The following SPAST variants were observed in gnomAD, a reference collection of about 807,000 sequenced individuals.
SPAST encodes spastic paraplegia 4 (autosomal dominant; spastin).
Under a neutral mutation model 76.6 loss-of-function variants are expected in SPAST, and 30 were observed. The observed-to-expected ratio is 0.39, with a 90% CI of 0.29 to 0.53. SPAST has a LOEUF of 0.53. SPAST is among the 20% of genes least tolerant of loss of function. SPAST has a pLI of 0.68. For missense variants in SPAST, 717 were observed against 770.5 expected, an observed-to-expected ratio of 0.93 and a Z score of 0.82; for synonymous variants, 305 against 281.0, an observed-to-expected ratio of 1.09 and a Z score of -0.86.
intron 11 of SPAST, 52 bp from the exon 12 acceptor site, chr2:32,137,057 A>G: frequency 6.4e-7 from 1 of 1,558,060 alleles, no homozygotes; most frequent in African/African-American, 1.4e-5. Context: ...AAATATCTTT[A>G]TATTTGTTAT....
At chr2:32,151,765 C>G (rs559882408) in intron 16 of SPAST, among the ~76,000 whole-genome samples, 1 of 152,116 alleles carries the variant, frequency 6.6e-6, no homozygotes, top group South Asian at 2.1e-4. Flanking sequence ...CAAAAATTAG[C>G]CGGGCGTGGT....
chr2:32,084,009 C>G (rs1041493650), intron 1 of SPAST, among the ~76,000 whole-genome samples: 3 of 150,656 alleles, frequency 2.0e-5, no homozygotes, highest in Non-Finnish European at 4.4e-5. Context: ...CAACTCCTGA[C>G]CTCAGGTGAT....
In SPAST at chr2:32,063,868, T is replaced by G. The variant is rs781222498; in HGVS notation, c.37T>G (p.Ser13Ala). The change falls in exon 1 of 17, where the codon TCC (serine) becomes GCC (alanine). Residue 13 changes from serine to alanine, a missense_variant. By Grantham distance (99) the Ser-to-Ala change is moderately conservative. Around this residue, in one of 3 missense-constraint regions of SPAST, gnomAD observed 543 missense variants for 445.2 expected, o/e 1.22. Transcript: ENST00000315285. Reference sequence around the variant, plus strand: ...GGGTGGACGAGGGAAGAAGAAAGGCTCCGGCGGCGCCAGCAACCCGGTGCC... The same window carrying G: ...GGGTGGACGAGGGAAGAAGAAAGGCGCCGGCGGCGCCAGCAACCCGGTGCC... ...SPGGRGKKKG[S>A]GGASNPVPPR... The G allele has an allele frequency of 1.9e-6, 3 of 1,585,292 alleles. No individual in the cohort carries two copies. The South Asian group carries it at 3.4e-5, about 18-fold the overall frequency.
At chr2:32,069,095 C>T (rs1370715001) in intron 1 of SPAST, among the ~76,000 whole-genome samples, 1 of 151,912 alleles carries the variant, frequency 6.6e-6, no homozygotes, top group Non-Finnish European at 1.5e-5. Flanking sequence ...CGCCTGTAGT[C>T]CCGGGTACTT....
Position 32,123,053 on chromosome 2 carries a change from G to C in SPAST, c.1099-3895G>C, listed in dbSNP as rs143904153. On this transcript the variant is annotated intron_variant, in intron 7 of 16. Transcript: ENST00000315285. ...GAGGTGGGCAGATCACCTGATGTCA[G>C]GGGTTCAAGACCAGCCTGACCAATA... Among the ~76,000 whole-genome samples the C allele has an allele frequency of 5.9e-3, 899 of 152,202 alleles. 11 individuals carry two copies. Among genetic ancestry groups the C allele is most frequent in the African/African-American group, 0.02 (841 of 41,540 alleles).
chr2:32,131,948 C>G (rs1314429850), intron 9 of SPAST, among the ~76,000 whole-genome samples: 1 of 151,958 alleles, frequency 6.6e-6, no homozygotes, highest in Non-Finnish European at 1.5e-5. Flanking sequence ...CGTAAGCCAC[C>G]ACACCCGGCC....
Position 32,116,330 on chromosome 2 carries a change from A to G in SPAST, c.1098+118A>G, listed in dbSNP as rs12617289. Reference sequence around the variant, plus strand: ...AATAATTAATTCATATAAGGTAACAATAGATTTAATGTTTTAAAAAAGATA... The same window carrying G: ...AATAATTAATTCATATAAGGTAACAGTAGATTTAATGTTTTAAAAAAGATA... On this transcript the variant is annotated intron_variant, in intron 7 of 16. Coordinates refer to ENST00000315285, the MANE Select transcript of SPAST (RefSeq NM_014946.4). 0.43 allele frequency: 302,339 copies of G among 700,690 alleles called. 67,105 individuals carry two copies. Among genetic ancestry groups the G allele is most frequent in the East Asian group, 0.61 (22,031 of 36,330 alleles). The allele number at this position is 700,690 out of a possible 1,614,324, so 43.4% of individuals were successfully genotyped here.
intron 7 of SPAST, among the ~76,000 whole-genome samples, chr2:32,119,009 A>G (rs753590455): frequency 2.6e-5 from 4 of 152,206 alleles, no homozygotes; most frequent in Non-Finnish European, 5.9e-5. Flanking sequence ...GCCAGTTGCA[A>G]GTTATTTCAA....
chr2:32,125,287 G>T (rs978046441), intron 7 of SPAST, among the ~76,000 whole-genome samples: 1 of 151,822 alleles, frequency 6.6e-6, no homozygotes, highest in Non-Finnish European at 1.5e-5. Flanking sequence ...ACAATGGCAC[G>T]ATCTCGGCTC....
chr2:32,077,810 A>C (rs1441335880), intron 1 of SPAST: 1 of 152,212 alleles, frequency 6.6e-6, no homozygotes, highest in Non-Finnish European at 1.5e-5. Flanking sequence ...GAATATCAGC[A>C]TTTCTGTTGT....
chr2:32,084,920 CATGGGA>C (rs1427003192), intron 1 of SPAST, among the ~76,000 whole-genome samples: 2 of 146,628 alleles, frequency 1.4e-5, no homozygotes, highest in African/African-American at 5.0e-5. Context: ...AGGGAAGGAG[CATGGGA>C]ATGGGAAGAG....
intron 3 of SPAST, among the ~76,000 whole-genome samples, chr2:32,092,458 A>G (rs1181602794): frequency 6.6e-6 from 1 of 152,120 alleles, no homozygotes; most frequent in African/African-American, 2.4e-5. Context: ...GTTGGTTTTT[A>G]TGTTTTGTTT....
rs1194554942 is a variant in SPAST, at chr2:32,155,079, A to G, written c.*583A>G. The G allele has an allele frequency of 6.5e-6, 1 of 153,532 alleles. No homozygotes were observed. Among genetic ancestry groups the G allele is most frequent in the Non-Finnish European group, 1.5e-5 (1 of 68,704 alleles). 9.5% of individuals were successfully genotyped at this position (153,532 alleles called of 1,614,324 possible). A position where few individuals can be genotyped will look rare whatever the true frequency, so the allele number is the denominator to read the frequency against. ...TATTTTGAGAGTTTCTTCTTCATAA[A>G]TCTACAGACATTAAACAATTGTTGT... On this transcript the variant is annotated 3_prime_UTR_variant, in exon 17 of 17. Coordinates refer to ENST00000315285, the MANE Select transcript of SPAST (RefSeq NM_014946.4).
At chr2:32,087,906 C>T (rs1445000078) in intron 2 of SPAST, among the ~76,000 whole-genome samples, 2 of 150,276 alleles carry the variant, frequency 1.3e-5, no homozygotes, top group African/African-American at 4.9e-5. Context: ...GTTTTTGAGA[C>T]AGAGTCTCGC....
intron 9 of SPAST, among the ~76,000 whole-genome samples, chr2:32,131,027 TTGTTATGGC>T (rs1679353875): frequency 6.6e-6 from 1 of 152,240 alleles, no homozygotes; most frequent in East Asian, 1.9e-4. Flanking sequence ...TTGACCATAG[TTGTTATGGC>T]ATTGGACTAA....
intron 1 of SPAST, among the ~76,000 whole-genome samples, chr2:32,074,842 T>G (rs1676888689): frequency 6.6e-6 from 1 of 152,146 alleles, no homozygotes; most frequent in South Asian, 2.1e-4. Flanking sequence ...TTTACCCTTT[T>G]CGAACTGTGG....
chr2:32,068,624 T>C (rs1676622395), intron 1 of SPAST, among the ~76,000 whole-genome samples: 1 of 152,140 alleles, frequency 6.6e-6, no homozygotes, highest in Non-Finnish European at 1.5e-5. Flanking sequence ...GTGCCCAGCC[T>C]TGACAGGTCT....
At chr2:32,105,652 T>G (rs1462076880) in intron 4 of SPAST, among the ~76,000 whole-genome samples, 1 of 152,176 alleles carries the variant, frequency 6.6e-6, no homozygotes, top group South Asian at 2.1e-4. Context: ...GTGGATGTCC[T>G]TTCTGTTTGT....
chr2:32,115,594 T>G, intron 5 of SPAST, 108 bp from the exon 6 acceptor site: 1 of 816,070 alleles, frequency 1.2e-6, no homozygotes, highest in East Asian at 2.6e-5. Context: ...TTTTATACCC[T>G]TTTTCCTATT....
Sources: gnomAD v4.1 joint callset for allele counts (sites outside exome capture counted in the v4.1 genomes callset) on GRCh38, gnomAD v4.1.1 for gene constraint, gnomAD v4.1.1 regional missense constraint, MANE v1.5 for transcripts, NCBI Gene and HGNC (gene_info 2026-07-23, HGNC 2026-07-21) for gene names.